The following ABAT variants were observed in gnomAD, a reference collection of about 807,000 sequenced individuals.
ABAT encodes 4-aminobutyrate aminotransferase, mitochondrial.
A neutral mutation model predicts 64.6 loss-of-function variants in ABAT; 45 were observed. The observed-to-expected ratio is 0.70, with a 90% CI of 0.55 to 0.89. ABAT has a LOEUF of 0.89. Ranked by LOEUF, ABAT falls within the 40% of genes least tolerant of loss-of-function variation. The pLI is 0.00. For missense variants in ABAT, 633 were observed against 658.4 expected (o/e 0.96, Z 0.42); for synonymous variants, 297 against 250.5 (o/e 1.19, Z -1.75).
chr16:8,775,637 A>C (rs1029658267), intron 13 of ABAT, among the ~76,000 whole-genome samples: 1 of 152,138 alleles, frequency 6.6e-6, no homozygotes, highest in African/African-American at 2.4e-5. Flanking sequence ...TTCTACCCTC[A>C]AGGTTGCCTC....
intron 13 of ABAT, among the ~76,000 whole-genome samples, chr16:8,775,515 C>T (rs2060241790): frequency 1.3e-5 from 2 of 151,982 alleles, no homozygotes; most frequent in Admixed American, 6.6e-5. Context: ...CAACCCAGAG[C>T]CCATACTCTT....
At chr16:8,733,036 C>T (rs28581915) in intron 1 of ABAT, among the ~76,000 whole-genome samples, 138,428 of 140,546 alleles carry the variant, frequency 0.98, 68,177 homozygotes, top group Non-Finnish European at 1. Context: ...CTGATCCCCC[C>T]ACCTCCCTCC....
intron 9 of ABAT, among the ~76,000 whole-genome samples, chr16:8,767,421 C>T (rs145906860): frequency 2.6e-5 from 4 of 152,272 alleles, no homozygotes; most frequent in Admixed American, 6.5e-5. Context: ...GGGATGCAGG[C>T]GTGCACCCAT....
chr16:8,766,283 G>A lies in ABAT; in HGVS notation c.603+13G>A, dbSNP rs751573855. On this transcript the variant is annotated intron_variant, in intron 9 of 15. Transcript: ENST00000268251. ...CATGATTAACCAGGTGAGTGCAGCT[G>A]GGCTTGCACCACGTACATCTGGGGA... is the stretch of plus-strand genomic sequence containing the variant. 6.2e-7 allele frequency: 1 copy of A among 1,613,192 alleles called. No homozygotes were observed. The highest frequency in any genetic ancestry group is 1.1e-5 in the South Asian group (1 of 90,970).
chr16:8,701,669 T>C (rs1217697965), intron 1 of ABAT, among the ~76,000 whole-genome samples: 1 of 152,174 alleles, frequency 6.6e-6, no homozygotes, highest in Non-Finnish European at 1.5e-5. Flanking sequence ...GGAGCTTGCA[T>C]TGTTCTGGGG....
intron 1 of ABAT, chr16:8,731,656 T>G (rs2058723279): frequency 6.6e-6 from 1 of 152,034 alleles, no homozygotes; most frequent in African/African-American, 2.4e-5. Flanking sequence ...AATTGTTATT[T>G]TAAAAATCAC....
intron 2 of ABAT, among the ~76,000 whole-genome samples, chr16:8,737,991 G>GGAAGAAAGAAA (rs1567295685): frequency 0.012 from 183 of 14,962 alleles, 49 homozygotes; most frequent in African/African-American, 0.02. Flanking sequence ...GAAGGAAGGA[G>GGAAGAAAGAAA]GAAAGAAAGA....
chr16:8,724,223 A>G (rs997538327), intron 1 of ABAT, among the ~76,000 whole-genome samples: 3 of 152,140 alleles, frequency 2.0e-5, no homozygotes, highest in Non-Finnish European at 4.4e-5. Context: ...TATGGTGCAC[A>G]TAACAGACAT....
intron 1 of ABAT, among the ~76,000 whole-genome samples, chr16:8,718,754 G>A (rs1030783373): frequency 2.0e-4 from 30 of 152,326 alleles, no homozygotes; most frequent in African/African-American, 6.3e-4. Flanking sequence ...ATAAGACGGT[G>A]TATGTGAAAC....
intron 1 of ABAT, among the ~76,000 whole-genome samples, chr16:8,680,260 A>G (rs2057300416): frequency 6.6e-6 from 1 of 152,210 alleles, no homozygotes; most frequent in African/African-American, 2.4e-5. Context: ...GCCTGGAAGC[A>G]GCCATCACAT....
rs2060267113 is a variant in ABAT at position 8,776,507 on chromosome 16, T to C, written c.1269+17T>C. The C allele has an allele frequency of 3.5e-6, 5 of 1,413,968 alleles. No individual in the cohort carries two copies. The highest frequency in any genetic ancestry group is 1.9e-5 in the Admixed American group (1 of 52,778). 87.6% of individuals were successfully genotyped at this position (1,413,968 alleles called of 1,614,324 possible). A position where few individuals can be genotyped will look rare whatever the true frequency, so the allele number is the denominator to read the frequency against. ...GACCTCCAGGTAACACCCCCTCCCC[T>C]GCCCCGCCCCCACCACCCATGGCTC... On this transcript the variant is annotated intron_variant, in intron 14 of 15. Coordinates refer to ENST00000268251, the MANE Select transcript of ABAT (RefSeq NM_020686.6). The surrounding 1 kb of genome is among the most constrained non-coding windows in gnomAD (Gnocchi z 4.4).
At chr16:8,682,887 T>G (rs574662653) in intron 1 of ABAT, among the ~76,000 whole-genome samples, 5 of 152,322 alleles carry the variant, frequency 3.3e-5, no homozygotes, top group African/African-American at 9.6e-5. Context: ...ATCTGCGTTT[T>G]AACAATATCC....
chr16:8,782,388 C>A lies in ABAT; in HGVS notation c.*958C>A, dbSNP rs1040406947. ...GCTCCCTCGCCCTAAGAGGCTCTTC[C>A]TCTCTTTTGCTCATCCACCTTCACA... is the stretch of plus-strand genomic sequence containing the variant. On this transcript the variant is annotated 3_prime_UTR_variant, in exon 16 of 16. Transcript: ENST00000268251. 1 of 152,312 alleles carries A rather than the reference C, an allele frequency of 6.6e-6. No individual in the cohort carries two copies. Among genetic ancestry groups the A allele is most frequent in the Non-Finnish European group, 1.5e-5 (1 of 68,112 alleles). 9.4% of individuals were successfully genotyped at this position (152,312 alleles called of 1,614,324 possible). A position where few individuals can be genotyped will look rare whatever the true frequency, so the allele number is the denominator to read the frequency against.
chr16:8,724,746 C>CAAAAAAAAAAAAAAAAAA (rs869130725), intron 1 of ABAT, among the ~76,000 whole-genome samples: 1 of 6,560 alleles, frequency 1.5e-4, no homozygotes, highest in Admixed American at 2.4e-3. Flanking sequence ...AAAAAAAAAA[C>CAAAAAAAAAAAAAAAAAA]AAAAAAAAAA....
intron 6 of ABAT, among the ~76,000 whole-genome samples, chr16:8,763,216 A>G (rs1426852109): frequency 6.6e-6 from 1 of 152,018 alleles, no homozygotes; most frequent in Non-Finnish European, 1.5e-5. Flanking sequence ...AGTGGCATCT[A>G]AAGTCAGTAA....
At chr16:8,734,895 G>T (rs1173543951) in intron 1 of ABAT, among the ~76,000 whole-genome samples, 1 of 152,076 alleles carries the variant, frequency 6.6e-6, no homozygotes, top group African/African-American at 2.4e-5. Flanking sequence ...GATAGGGGCT[G>T]CTCCAGGCTC....
intron 11 of ABAT, among the ~76,000 whole-genome samples, chr16:8,769,217 TAA>T (rs1308073036): frequency 2.6e-5 from 4 of 152,184 alleles, no homozygotes; most frequent in African/African-American, 4.8e-5. Context: ...CTGTATCACT[TAA>T]GTTTCTTGGA....
chr16:8,705,086 G>T (rs1405309065), intron 1 of ABAT, among the ~76,000 whole-genome samples: 1 of 151,910 alleles, frequency 6.6e-6, no homozygotes, highest in Non-Finnish European at 1.5e-5. Flanking sequence ...TTTTGATGGG[G>T]TGCTGTATTA....
chr16:8,704,252 A>G (rs995928191), intron 1 of ABAT, among the ~76,000 whole-genome samples: 1 of 152,134 alleles, frequency 6.6e-6, no homozygotes, highest in African/African-American at 2.4e-5. Context: ...CTCTTTCCAC[A>G]CCTTCGGAAA....
Sources: gnomAD v4.1 joint callset for allele counts (sites outside exome capture counted in the v4.1 genomes callset) on GRCh38, gnomAD v4.1.1 for gene constraint, Gnocchi (gnomAD v3.1) non-coding constraint, MANE v1.5 for transcripts, NCBI Gene and HGNC (gene_info 2026-07-23, HGNC 2026-07-21) for gene names.